ESPN: variants seen among roughly 807,000 people sequenced by gnomAD.
ESPN encodes espin.
In ESPN, 68 loss-of-function variants were observed where a neutral mutation model predicts 77.7. The observed-to-expected ratio is 0.87, with a 90% CI of 0.72 to 1.07. The LOEUF is 1.07. ESPN is among the 50% of genes least tolerant of loss of function. The pLI, the probability that ESPN is intolerant of heterozygous loss-of-function variation, is 0.00. For synonymous variants in ESPN, 449 were observed against 567.1 expected, an observed-to-expected ratio of 0.79 and a Z score of 2.96; for missense variants, 1,060 against 1,239.0, an observed-to-expected ratio of 0.86 and a Z score of 2.17.
At chr1:6,461,273 T>G, downstream of ESPN, 3 of 916,264 alleles carry the variant, frequency 3.3e-6, no homozygotes, top group Non-Finnish European at 5.3e-6. The surrounding 1 kb of genome is among the most constrained non-coding windows in gnomAD (Gnocchi z 6.3). Context: ...TCGCCTTGGC[T>G]GGAGCGATAG....
rs1644074022 is a variant in ESPN at position 6,457,346 on chromosome 1, T to C, written c.2406-15T>C. 5 of 1,614,110 alleles carry C rather than the reference T, an allele frequency of 3.1e-6. No individual in the cohort carries two copies. Among genetic ancestry groups the C allele is most frequent in the African/African-American group, 2.7e-5 (2 of 74,918 alleles). On this transcript the variant is annotated splice_polypyrimidine_tract_variant and intron_variant, in intron 11 of 12. Coordinates refer to ENST00000645284, the MANE Select transcript of ESPN (RefSeq NM_031475.3). ...GGTGGAGGTACCAAGTGACACTGTC[T>C]CTTTTTCCTTCCAGGGAGCAGAAGC...
chr1:6,453,428 C>G (rs1177796798), intron 10 of ESPN, among the ~76,000 whole-genome samples: 3 of 150,472 alleles, frequency 2.0e-5, no homozygotes, highest in Admixed American at 6.6e-5. Flanking sequence ...CCACCTTATA[C>G]GTGGGCTGGG....
In ESPN at chr1:6,448,822, C is replaced by T. The variant is rs984812540; in HGVS notation, c.1646C>T (p.Ala549Val). ...GAGGAGGTGCGTGCCCGCCAGCCCG[C>T]GCGCGCCGGCTGCCCGCGCCTCGGC... ...HSEEVRARQPARAGCPRLGPA... is the reference protein window; with the variant it reads ...HSEEVRARQPVRAGCPRLGPA... Residue 549 changes from alanine (A) to valine (V), a missense_variant, in exon 8 of 13, where the codon GCG (alanine) becomes GTG (valine). Transcript: ENST00000645284. 4.8e-5 allele frequency: 59 copies of T among 1,241,388 alleles called. No homozygotes were observed. In the African/African-American group the frequency reaches 8.3e-4, roughly 17 times the overall value. 76.9% of individuals were successfully genotyped at this position (1,241,388 alleles called of 1,614,324 possible).
intron 5 of ESPN, among the ~76,000 whole-genome samples, chr1:6,443,811 C>T (rs1453707112): frequency 2.0e-5 from 3 of 152,184 alleles, no homozygotes; most frequent in Non-Finnish European, 2.9e-5. Context: ...CAGGAGGCAG[C>T]GGAGCAAGCG....
chr1:6,460,305 C>A lies in ESPN; in HGVS notation c.*159C>A. 1 of 931,138 alleles carries A rather than the reference C, an allele frequency of 1.1e-6. No homozygotes were observed. The highest frequency in any genetic ancestry group is 1.6e-6 in the Non-Finnish European group (1 of 629,242). 57.7% of individuals were successfully genotyped at this position (931,138 alleles called of 1,614,324 possible). A position where few individuals can be genotyped will look rare whatever the true frequency, so the allele number is the denominator to read the frequency against. ...CCACCCTGGCCCCCCGTATCCCCAG[C>A]CCTTGGCAACACTGGAGTGCACACG... On this transcript the variant is annotated 3_prime_UTR_variant, in exon 13 of 13. Coordinates refer to ENST00000645284, the MANE Select transcript of ESPN (RefSeq NM_031475.3).
intron 12 of ESPN, among the ~76,000 whole-genome samples, chr1:6,458,248 C>T (rs909114765): frequency 6.6e-6 from 1 of 152,046 alleles, no homozygotes; most frequent in Non-Finnish European, 1.5e-5. Flanking sequence ...AAACTCCTGA[C>T]CTGAAGCGAT....
chr1:6,456,483 C>T, intron 10 of ESPN: 1 of 258,290 alleles, frequency 3.9e-6, no homozygotes. Flanking sequence ...AGAAGAAGCC[C>T]CTCTGAGTGA....
chr1:6,441,963 C>G (rs144811352), intron 5 of ESPN, among the ~76,000 whole-genome samples: 3 of 152,182 alleles, frequency 2.0e-5, no homozygotes, highest in African/African-American at 4.8e-5. Flanking sequence ...AACTTCCCCC[C>G]GCGAAAGAGT....
At chr1:6,453,116 ACTC>A (rs1378017510) in intron 10 of ESPN, among the ~76,000 whole-genome samples, 7 of 151,678 alleles carry the variant, frequency 4.6e-5, no homozygotes, top group East Asian at 1.9e-4. Flanking sequence ...CCGGTCTCGA[ACTC>A]CTGGCCTCAA....
In ESPN at chr1:6,427,007, G is replaced by A. The variant is rs955487240; in HGVS notation, c.295-1219G>A. Among the ~76,000 whole-genome samples, 10 of 151,858 alleles carry A rather than the reference G, an allele frequency of 6.6e-5. No homozygotes were observed. The highest frequency in any genetic ancestry group is 2.1e-4 in the South Asian group (1 of 4,796). ...TGAAGACCCTACTAGTGGCCCCGGC[G>A]CCCCCAGCTCCCTCCGTGCCCTCTT... On this transcript the variant is annotated intron_variant, in intron 1 of 12. Transcript: ENST00000645284. The surrounding 1 kb of genome is among the most constrained non-coding windows in gnomAD (Gnocchi z 4.6).
intron 2 of ESPN, among the ~76,000 whole-genome samples, chr1:6,434,340 C>A (rs1643357043): frequency 6.6e-6 from 1 of 152,240 alleles, no homozygotes; most frequent in Admixed American, 6.5e-5. Flanking sequence ...CAGCCAGGCC[C>A]TTCATCACAC....
rs1475184754 is a variant in ESPN, at chr1:6,447,573, C to G, written c.1465-1068C>G. On this transcript the variant is annotated intron_variant, in intron 7 of 12. Transcript: ENST00000645284. The surrounding 1 kb of genome is among the most constrained non-coding windows in gnomAD (Gnocchi z 5.2). Reference sequence around the variant, plus strand: ...CTTTGGCCCGGCCGCCTCACTCTCCCTCACTGAGCTGGGCCTAGTTGGGGG... The same window carrying G: ...CTTTGGCCCGGCCGCCTCACTCTCCGTCACTGAGCTGGGCCTAGTTGGGGG... 1 of 152,342 alleles carries G rather than the reference C, an allele frequency of 6.6e-6. No individual in the cohort carries two copies. The highest frequency in any genetic ancestry group is 2.4e-5 in the African/African-American group (1 of 41,476). The allele number at this position is 152,342 out of a possible 1,614,324, so 9.4% of individuals were successfully genotyped here.
intron 2 of ESPN, among the ~76,000 whole-genome samples, chr1:6,436,002 C>G (rs1255494348): frequency 6.6e-6 from 1 of 152,198 alleles, no homozygotes; most frequent in East Asian, 1.9e-4. Context: ...GAGCCAGGTC[C>G]TCCTTATAGC....
intron 10 of ESPN, chr1:6,455,032 A>C (rs1644025479): frequency 1.1e-5 from 4 of 378,696 alleles, no homozygotes; most frequent in Non-Finnish European, 1.9e-5. Flanking sequence ...AAGCCCCCGC[A>C]GTCCGCTGGC....
chr1:6,426,242 C>T (rs996785131), intron 1 of ESPN, among the ~76,000 whole-genome samples: 2 of 152,236 alleles, frequency 1.3e-5, no homozygotes, highest in African/African-American at 2.4e-5. Context: ...GCCCCTCTTC[C>T]CACCCTTCCT....
intron 12 of ESPN, among the ~76,000 whole-genome samples, chr1:6,458,147 T>G (rs139921759): frequency 6.6e-4 from 100 of 152,038 alleles, no homozygotes; most frequent in Middle Eastern, 3.4e-3. Flanking sequence ...GCCTCCCAAG[T>G]AGCTGGGATT....
chr1:6,455,688 C>A (rs551408795), intron 10 of ESPN: 5 of 399,110 alleles, frequency 1.3e-5, no homozygotes, highest in Non-Finnish European at 2.2e-5. Flanking sequence ...GGGCCTGAGC[C>A]GCGAGGAGCG....
chr1:6,426,409 A>C (rs1643034406), intron 1 of ESPN, among the ~76,000 whole-genome samples: 1 of 149,590 alleles, frequency 6.7e-6, no homozygotes, highest in South Asian at 2.1e-4. Flanking sequence ...GAGCTGGGAG[A>C]AGCAGGTGGC....
intron 7 of ESPN, 50 bp from the exon 8 acceptor site, chr1:6,448,591 G>A (rs1303540659): frequency 4.7e-6 from 7 of 1,495,940 alleles, no homozygotes; most frequent in African/African-American, 2.9e-5. Context: ...GGCGTGGGGG[G>A]CGCCTACCGG....
Sources: allele counts gnomAD v4.1 joint callset (sites outside exome capture counted in the v4.1 genomes callset), GRCh38; gene constraint gnomAD v4.1.1; non-coding constraint Gnocchi (gnomAD v3.1); transcripts MANE v1.5; gene names NCBI Gene and HGNC (gene_info 2026-07-23, HGNC 2026-07-21).